Variants in GATAD2A observed in about 807,000 individuals in gnomAD.
The protein encoded by GATAD2A is transcriptional repressor p66-alpha.
In GATAD2A, 12 loss-of-function variants were observed where a neutral mutation model predicts 68.5. The observed-to-expected ratio is 0.18, with a 90% confidence interval of 0.11 to 0.28. GATAD2A has a LOEUF of 0.28. GATAD2A is among the 10% of genes least tolerant of loss of function. GATAD2A has a pLI of 1.00. For missense variants in GATAD2A, 755 were observed against 868.5 expected (o/e 0.87, Z 1.64); for synonymous variants, 410 against 375.3 (o/e 1.09, Z -1.07).
At chr19:19,482,040 G>A (rs1156882076) in intron 2 of GATAD2A, among the ~76,000 whole-genome samples, 1 of 152,124 alleles carries the variant, frequency 6.6e-6, no homozygotes, top group Non-Finnish European at 1.5e-5. Context: ...CCAGGAAGTC[G>A]AGGCTGTAGT....
chr19:19,403,156 T>C (rs1253414333), upstream of GATAD2A, among the ~76,000 whole-genome samples: 1 of 152,192 alleles, frequency 6.6e-6, no homozygotes, highest in Admixed American at 6.5e-5. Context: ...TGTTTCTTAA[T>C]TAGAGTTTCT....
chr19:19,389,604 G>C (rs1238167515), intron 1 of GATAD2A, among the ~76,000 whole-genome samples: 1 of 152,172 alleles, frequency 6.6e-6, no homozygotes, highest in African/African-American at 2.4e-5. Flanking sequence ...AGTCCAGGCA[G>C]GAGGCTGCTG....
rs1208729129 is a variant in GATAD2A at position 19,498,608 on chromosome 19, C to T, written c.1090C>T (p.Pro364Ser). ...KQLEKTLLEI[P>S]PPKPPAPEMN... is the part of the protein sequence containing the mutation. Reference sequence around the variant, plus strand: ...GCTGGAGAAGACGCTACTCGAGATCCCCCCACCCAAGCCCCCAGCCCCAGA... The same window carrying T: ...GCTGGAGAAGACGCTACTCGAGATCTCCCCACCCAAGCCCCCAGCCCCAGA... The change falls in exon 8 of 12, where the codon CCC (proline) becomes TCC (serine). Residue 364 changes from proline (P) to serine (S), a missense_variant. Coordinates refer to ENST00000683918, the MANE Select transcript of GATAD2A (RefSeq NM_001384528.1). The T allele has an allele frequency of 6.2e-7, 1 of 1,613,742 alleles. No individual in the cohort carries two copies. Among genetic ancestry groups the T allele is most frequent in the South Asian group, 1.1e-5 (1 of 91,086 alleles).
At chr19:19,395,230 G>A (rs1369553583) in intron 1 of GATAD2A, among the ~76,000 whole-genome samples, 3 of 152,174 alleles carry the variant, frequency 2.0e-5, no homozygotes, top group African/African-American at 7.2e-5. Flanking sequence ...TGAGGCAGGC[G>A]GATCATTTGA....
intron 2 of GATAD2A, among the ~76,000 whole-genome samples, chr19:19,469,961 GA>G (rs201703197): frequency 0.028 from 4,159 of 147,860 alleles, 86 homozygotes; most frequent in South Asian, 0.061. Context: ...AAAAAAAAAA[GA>G]AGCAAGATTC....
chr19:19,462,014 CCTCACT>C (rs886686045), intron 1 of GATAD2A, among the ~76,000 whole-genome samples: 7 of 152,226 alleles, frequency 4.6e-5, no homozygotes, highest in African/African-American at 1.4e-4. Flanking sequence ...GCTGCCTTCC[CCTCACT>C]CTCCCCTGTC....
chr19:19,487,539 A>G (rs2059522909), intron 2 of GATAD2A, among the ~76,000 whole-genome samples: 2 of 152,000 alleles, frequency 1.3e-5, no homozygotes, highest in Admixed American at 1.3e-4. Context: ...TAAGGAACAC[A>G]GACCCACCAG....
At chr19:19,493,276 G>A (rs534274324) in intron 4 of GATAD2A, among the ~76,000 whole-genome samples, 2 of 152,346 alleles carry the variant, frequency 1.3e-5, no homozygotes, top group East Asian at 3.9e-4. Flanking sequence ...AGGAAGTGGA[G>A]CACAGATGTC....
intron 1 of GATAD2A, among the ~76,000 whole-genome samples, chr19:19,387,730 CCTT>C (rs1287424724): frequency 2.0e-5 from 3 of 152,110 alleles, no homozygotes; most frequent in African/African-American, 7.2e-5. Context: ...TTACCAGTAT[CCTT>C]CTTTTCTATT....
chr19:19,495,650 A>AAC (rs2060097967), intron 5 of GATAD2A, 104 bp from the exon 6 acceptor site: 2 of 1,068,964 alleles, frequency 1.9e-6, no homozygotes, highest in South Asian at 3.8e-5. Flanking sequence ...AAAAAAAAAA[A>AAC]AAAAACTAGT....
chr19:19,387,125 G>A (rs1390400609), intron 1 of GATAD2A, among the ~76,000 whole-genome samples: 1 of 151,966 alleles, frequency 6.6e-6, no homozygotes, highest in African/African-American at 2.4e-5. Context: ...TCTAAGGAGA[G>A]ACCCCTGATT....
At chr19:19,498,414 C>T (rs369660212) in intron 7 of GATAD2A, 29 bp from the exon 8 acceptor site, 39 of 1,586,794 alleles carry the variant, frequency 2.5e-5, no homozygotes, top group Non-Finnish European at 3.0e-5. Context: ...GCGCACGGAG[C>T]GCCCTGACTG....
intron 1 of GATAD2A, among the ~76,000 whole-genome samples, chr19:19,393,651 G>A (rs1001604402): frequency 6.6e-5 from 10 of 152,166 alleles, no homozygotes; most frequent in African/African-American, 2.4e-4. Flanking sequence ...AAGTGCTGCA[G>A]CTACCCTCAT....
At chr19:19,427,217 G>T (rs953403871) in intron 1 of GATAD2A, among the ~76,000 whole-genome samples, 5 of 152,088 alleles carry the variant, frequency 3.3e-5, no homozygotes, top group Non-Finnish European at 5.9e-5. Flanking sequence ...ATGGATGATG[G>T]TTGCACAACA....
chr19:19,386,386 T>G (rs2965186), intron 1 of GATAD2A, among the ~76,000 whole-genome samples: 127,712 of 151,634 alleles, frequency 0.84, 53,873 homozygotes, highest in East Asian at 1. Flanking sequence ...GGGGCCTCCC[T>G]CCTCTCCAGG....
At chr19:19,386,409 C>G (rs1457026940) in intron 1 of GATAD2A, among the ~76,000 whole-genome samples, 1 of 151,594 alleles carries the variant, frequency 6.6e-6, no homozygotes, top group Non-Finnish European at 1.5e-5. Flanking sequence ...ACCCTTGCCT[C>G]TCTAGGGGAC....
intron 1 of GATAD2A, chr19:19,465,043 A>G: frequency 2.1e-6 from 1 of 479,252 alleles, no homozygotes; most frequent in Non-Finnish European, 3.8e-6. Flanking sequence ...GCCACCTTCC[A>G]CTGCTCCTGT....
intron 2 of GATAD2A, chr19:19,472,678 A>G (rs2058402447): frequency 6.6e-6 from 1 of 152,052 alleles, no homozygotes; most frequent in Non-Finnish European, 1.5e-5. Flanking sequence ...TTGCTCAGTA[A>G]AAATGCGGCT....
chr19:19,500,244 G>A (rs73922896), intron 8 of GATAD2A, among the ~76,000 whole-genome samples: 5,981 of 152,280 alleles, frequency 0.039, 326 homozygotes, highest in African/African-American at 0.12. Flanking sequence ...TGGGTTGGAC[G>A]TGTGCAAGGA....
Sources: allele counts gnomAD v4.1 joint callset (sites outside exome capture counted in the v4.1 genomes callset), GRCh38; gene constraint gnomAD v4.1.1; transcripts MANE v1.5; gene names NCBI Gene and HGNC (gene_info 2026-07-23, HGNC 2026-07-21).